The following NDST4 variants were observed in gnomAD, a reference collection of about 807,000 sequenced individuals.
NDST4 encodes the protein N-deacetylase and N-sulfotransferase 4.
NDST4 carries 63 observed loss-of-function variants against 100.8 expected under a neutral mutation model. That is an observed-to-expected ratio of 0.62 (90% CI 0.51 to 0.77). The LOEUF is 0.77. Among genes scored for constraint, NDST4 ranks in the 30% least tolerant of loss-of-function variants. NDST4 has a pLI of 0.00. For missense variants in NDST4, 943 were observed against 1,018.4 expected (o/e 0.93, Z 1.01); for synonymous variants, 377 against 361.8 (o/e 1.04, Z -0.48).
At chr4:115,095,478 T>G (rs1220276108) in intron 1 of NDST4, among the ~76,000 whole-genome samples, 1 of 152,120 alleles carries the variant, frequency 6.6e-6, no homozygotes, top group Non-Finnish European at 1.5e-5. Flanking sequence ...TAGTCTACTA[T>G]TGGGTCAGGA....
rs1227489770 is a variant in NDST4, at chr4:115,111,813, A to G, written c.-247+1631T>C. Among the ~76,000 whole-genome samples, 4 of 151,784 alleles carry G rather than the reference A, an allele frequency of 2.6e-5. No homozygotes were observed. The East Asian group carries it at 5.8e-4, about 22-fold the overall frequency. On this transcript the variant is annotated intron_variant, in intron 1 of 13. Coordinates refer to ENST00000264363, the MANE Select transcript of NDST4 (RefSeq NM_022569.3). ...AAAGGCCCATTCTGCTTAGTATTCA[A>G]TTTCTAAAAATCTTCCCAATTAGCT... is the stretch of plus-strand genomic sequence containing the variant.
At chr4:114,833,990 T>C (rs755208765) in intron 11 of NDST4, among the ~76,000 whole-genome samples, 3 of 152,242 alleles carry the variant, frequency 2.0e-5, no homozygotes, top group Admixed American at 6.5e-5. Context: ...TTTCTTGATT[T>C]AGTGCTTCAG....
At chr4:115,090,724 C>T (rs1040781954) in intron 1 of NDST4, among the ~76,000 whole-genome samples, 3 of 152,008 alleles carry the variant, frequency 2.0e-5, no homozygotes, top group African/African-American at 2.4e-5. Context: ...AATAGGCCAA[C>T]AGCACCTGTT....
At chr4:115,038,394 A>C (rs866387592) in intron 2 of NDST4, among the ~76,000 whole-genome samples, 1 of 152,114 alleles carries the variant, frequency 6.6e-6, no homozygotes, top group Non-Finnish European at 1.5e-5. Flanking sequence ...AAAGGAAAGG[A>C]CAAGGAAAGC....
At chr4:114,986,788 TTATACATATATATATATA>T (rs1726911994) in intron 2 of NDST4, among the ~76,000 whole-genome samples, 2 of 65,982 alleles carry the variant, frequency 3.0e-5, no homozygotes, top group African/African-American at 1.5e-4. Context: ...TGGTATCCAA[TTATACATATATATATATA>T]TATATATATA....
At chr4:115,012,274 C>T (rs535792330) in intron 2 of NDST4, among the ~76,000 whole-genome samples, 2 of 151,970 alleles carry the variant, frequency 1.3e-5, no homozygotes, top group South Asian at 4.2e-4. Context: ...AGCAAAACAT[C>T]TTGTTTTTAC....
intron 1 of NDST4, among the ~76,000 whole-genome samples, chr4:115,099,041 G>T (rs563393550): frequency 9.3e-4 from 141 of 152,266 alleles, no homozygotes; most frequent in African/African-American, 3.2e-3. Flanking sequence ...CAAAGGTAAT[G>T]CAATGCAGAA....
At position 115,077,214 on chromosome 4, in the gene NDST4, G is replaced by GGATATACGT; in HGVS notation, c.-187_-179dup. ...AAAGCTGGAAGGCAATAGATGGGAAGGATATACGTTGAGGAGATTTTGAAT... is the reference window on the plus strand; with the variant it reads ...AAAGCTGGAAGGCAATAGATGGGAAGGATATACGTGATATACGTTGAGGAGATTTTGAAT... On this transcript the variant is annotated 5_prime_UTR_variant, in exon 2 of 14. Coordinates refer to ENST00000264363, the MANE Select transcript of NDST4 (RefSeq NM_022569.3). 1.7e-6 allele frequency: 1 copy of GGATATACGT among 579,794 alleles called. No individual in the cohort carries two copies. 35.9% of individuals were successfully genotyped at this position (579,794 alleles called of 1,614,324 possible).
At chr4:114,973,886 T>G (rs572728620) in intron 3 of NDST4, among the ~76,000 whole-genome samples, 1 of 151,940 alleles carries the variant, frequency 6.6e-6, no homozygotes, top group South Asian at 2.1e-4. Context: ...GTTCCATATA[T>G]GTGGGGATAG....
intron 1 of NDST4, among the ~76,000 whole-genome samples, chr4:115,108,019 T>G (rs192203469): frequency 6.6e-6 from 1 of 152,142 alleles, no homozygotes; most frequent in Admixed American, 6.6e-5. Context: ...TAGTATAATT[T>G]ATTGATTGTG....
intron 6 of NDST4, among the ~76,000 whole-genome samples, chr4:114,915,933 A>AT (rs1725159400): frequency 6.6e-6 from 1 of 152,098 alleles, no homozygotes; most frequent in African/African-American, 2.4e-5. Flanking sequence ...TAAAATCGTA[A>AT]TATTCTCATT....
intron 6 of NDST4, among the ~76,000 whole-genome samples, chr4:114,923,003 A>G (rs751267766): frequency 1.3e-5 from 2 of 152,208 alleles, no homozygotes; most frequent in African/African-American, 2.4e-5. Context: ...AATCTGATAG[A>G]CAAATAGGTT....
chr4:115,029,126 C>T (rs1728052711), intron 2 of NDST4, among the ~76,000 whole-genome samples: 3 of 152,036 alleles, frequency 2.0e-5, no homozygotes, highest in South Asian at 2.1e-4. Flanking sequence ...CATTATCACA[C>T]TTTCAAATCA....
intron 1 of NDST4, among the ~76,000 whole-genome samples, chr4:115,084,486 G>C (rs1028035455): frequency 9.2e-5 from 14 of 152,196 alleles, no homozygotes; most frequent in African/African-American, 3.1e-4. Flanking sequence ...GGGCACGTCA[G>C]AGACCTTCAT....
chr4:114,852,197 C>T (rs1204571165), intron 8 of NDST4, among the ~76,000 whole-genome samples: 1 of 152,088 alleles, frequency 6.6e-6, no homozygotes, highest in Non-Finnish European at 1.5e-5. Context: ...ACCTGATGAA[C>T]TTCAAGTGTT....
At position 114,950,177 on chromosome 4, in the gene NDST4, A is replaced by G. The variant is rs192271826; in HGVS notation, c.1222-12674T>C. Reference sequence around the variant, plus strand: ...AAAGTTCCTCCATATTCTGGACCACATGAGCTACTTGATTCCATCTTCTCC... The same window carrying G: ...AAAGTTCCTCCATATTCTGGACCACGTGAGCTACTTGATTCCATCTTCTCC... On this transcript the variant is annotated intron_variant, in intron 4 of 13. Transcript: ENST00000264363. Among the ~76,000 whole-genome samples, 533 of 152,154 alleles carry G rather than the reference A, an allele frequency of 3.5e-3. 3 individuals carry two copies. The highest frequency in any genetic ancestry group is 0.012 in the African/African-American group (512 of 41,564).
intron 2 of NDST4, among the ~76,000 whole-genome samples, chr4:115,004,383 A>T (rs1727366208): frequency 1.3e-5 from 2 of 152,194 alleles, no homozygotes. Context: ...GCTTGCAAAC[A>T]ACATAATTCA....
intron 6 of NDST4, among the ~76,000 whole-genome samples, chr4:114,918,066 T>C (rs1289797144): frequency 6.6e-6 from 1 of 152,202 alleles, no homozygotes. Context: ...TTTAGATATA[T>C]GTTTCTTAGA....
At chr4:114,968,845 C>T (rs976304774) in intron 4 of NDST4, among the ~76,000 whole-genome samples, 1 of 152,128 alleles carries the variant, frequency 6.6e-6, no homozygotes, top group African/African-American at 2.4e-5. Flanking sequence ...TCGTCTAGAG[C>T]AAGTGATTCT....
Sources: gnomAD v4.1 joint callset for allele counts (sites outside exome capture counted in the v4.1 genomes callset) on GRCh38, gnomAD v4.1.1 for gene constraint, MANE v1.5 for transcripts, NCBI Gene and HGNC (gene_info 2026-07-23, HGNC 2026-07-21) for gene names.